The following NKAIN3 variants were observed in gnomAD, a reference collection of about 807,000 sequenced individuals.
NKAIN3 encodes sodium/potassium transporting ATPase interacting 3.
In NKAIN3, 25 loss-of-function variants were observed where a neutral mutation model predicts 30.2. The ratio of observed to expected loss-of-function variants is 0.83; its 90% confidence interval spans 0.60 to 1.16. The LOEUF (loss-of-function observed/expected upper bound fraction) is 1.16, where lower values mean the gene tolerates loss of function less well. Ranked by LOEUF, NKAIN3 falls within the 50% of genes most tolerant of loss-of-function variation. The pLI is 0.00. For missense variants in NKAIN3, 225 were observed against 254.1 expected, an observed-to-expected ratio of 0.89 and a Z score of 0.78; for synonymous variants, 91 against 89.6, an observed-to-expected ratio of 1.02 and a Z score of -0.09.
rs1491362672 is a variant in NKAIN3 at position 62,555,009 on chromosome 8, T to TACACAC, written c.55-24529_55-24528insCACACA. Among the ~76,000 whole-genome samples, 370 of 104,696 alleles carry TACACAC rather than the reference T, an allele frequency of 3.5e-3. 1 individual carries two copies. The highest frequency in any genetic ancestry group is 0.011 in the African/African-American group (351 of 31,342). 68.7% of individuals were successfully genotyped at this position (104,696 alleles called of 152,430 possible). On this transcript the variant is annotated intron_variant, in intron 1 of 6. Coordinates refer to ENST00000623646, the MANE Select transcript of NKAIN3 (RefSeq NM_001304533.3). ...CTATGCTGTCACAAATGGCAGAATC[T>TACACAC]ATACACACACACACACACACACACA...
intron 4 of NKAIN3, among the ~76,000 whole-genome samples, chr8:62,893,705 C>T (rs1821356404): frequency 6.6e-6 from 1 of 152,048 alleles, no homozygotes; most frequent in African/African-American, 2.4e-5. Flanking sequence ...ACTGTGTACA[C>T]ACAAGGATAT....
At chr8:62,902,849 G>T (rs952478688) in intron 4 of NKAIN3, among the ~76,000 whole-genome samples, 1 of 152,024 alleles carries the variant, frequency 6.6e-6, no homozygotes, top group Non-Finnish European at 1.5e-5. Flanking sequence ...ACTTAAATAG[G>T]CCCCTTTACA....
chr8:62,395,031 G>T (rs1438008157), intron 1 of NKAIN3, among the ~76,000 whole-genome samples: 1 of 129,400 alleles, frequency 7.7e-6, no homozygotes, highest in Non-Finnish European at 1.7e-5. Flanking sequence ...TGAGGAGGCC[G>T]GGCAGAGGCG....
chr8:62,516,126 C>A (rs1224686284), intron 1 of NKAIN3, among the ~76,000 whole-genome samples: 1 of 152,038 alleles, frequency 6.6e-6, no homozygotes, highest in Non-Finnish European at 1.5e-5. Context: ...AAAGATCCCA[C>A]ATTTAGATGT....
chr8:62,733,025 TATC>T, intron 3 of NKAIN3, among the ~76,000 whole-genome samples: 2 of 152,236 alleles, frequency 1.3e-5, no homozygotes, highest in African/African-American at 4.8e-5. Context: ...TTCCTGACAC[TATC>T]ATTATATTTT....
chr8:62,401,828 G>T (rs1218962170), intron 1 of NKAIN3, among the ~76,000 whole-genome samples: 1 of 152,152 alleles, frequency 6.6e-6, no homozygotes, highest in Non-Finnish European at 1.5e-5. Context: ...GCTGGGAAAG[G>T]CGGTGACACC....
intron 1 of NKAIN3, among the ~76,000 whole-genome samples, chr8:62,303,647 A>G (rs1814128638): frequency 6.6e-6 from 1 of 150,606 alleles, no homozygotes; most frequent in African/African-American, 2.5e-5. Context: ...GATACATTTT[A>G]GTTAGGAATC....
chr8:62,564,135 C>T (rs534914624), intron 1 of NKAIN3, among the ~76,000 whole-genome samples: 20 of 152,336 alleles, frequency 1.3e-4, no homozygotes, highest in Middle Eastern at 3.4e-3. Flanking sequence ...CCAACAAGTT[C>T]TCTTGGTCAG....
chr8:62,570,298 A>C (rs756559265), intron 1 of NKAIN3, among the ~76,000 whole-genome samples: 9 of 152,214 alleles, frequency 5.9e-5, no homozygotes, highest in Non-Finnish European at 1.2e-4. Context: ...GTGTAAATTA[A>C]TGTTTACAAT....
intron 4 of NKAIN3, among the ~76,000 whole-genome samples, chr8:62,854,212 G>C (rs562021104): frequency 6.6e-6 from 1 of 152,224 alleles, no homozygotes; most frequent in Non-Finnish European, 1.5e-5. Context: ...TTATCTATCA[G>C]GTCAACTTGA....
chr8:62,752,941 A>C (rs1423484744), intron 4 of NKAIN3, among the ~76,000 whole-genome samples: 1 of 152,188 alleles, frequency 6.6e-6, no homozygotes, highest in Non-Finnish European at 1.5e-5. Flanking sequence ...ATTGGTAAGG[A>C]TACCTAGCTA....
intron 1 of NKAIN3, among the ~76,000 whole-genome samples, chr8:62,503,569 A>G (rs765877650): frequency 6.6e-6 from 1 of 152,048 alleles, no homozygotes; most frequent in Non-Finnish European, 1.5e-5. Context: ...ACCAGGGCGT[A>G]TCTCAGTCCT....
chr8:62,902,630 T>C (rs1170720759), intron 4 of NKAIN3, among the ~76,000 whole-genome samples: 1 of 152,254 alleles, frequency 6.6e-6, no homozygotes, highest in African/African-American at 2.4e-5. Flanking sequence ...CGTAGTCATG[T>C]GACACATTTA....
intron 1 of NKAIN3, among the ~76,000 whole-genome samples, chr8:62,490,699 C>G (rs1807041268): frequency 6.6e-6 from 1 of 151,996 alleles, no homozygotes; most frequent in Admixed American, 6.6e-5. Flanking sequence ...TCATGGGTAC[C>G]AAATGATGGC....
chr8:62,699,120 C>T (rs939402362), intron 3 of NKAIN3, among the ~76,000 whole-genome samples: 3 of 152,062 alleles, frequency 2.0e-5, no homozygotes, highest in East Asian at 3.9e-4. Context: ...TACACATTAT[C>T]GCTTAATAAT....
At chr8:62,922,462 A>G (rs1265495466) in intron 5 of NKAIN3, among the ~76,000 whole-genome samples, 1 of 152,214 alleles carries the variant, frequency 6.6e-6, no homozygotes, top group East Asian at 1.9e-4. Context: ...CTTATAATGT[A>G]TGGAAGCCTC....
intron 4 of NKAIN3, among the ~76,000 whole-genome samples, chr8:62,776,679 A>G (rs1275289775): frequency 3.3e-5 from 5 of 151,994 alleles, no homozygotes; most frequent in Admixed American, 3.3e-4. Flanking sequence ...AAGTTGTTGT[A>G]CTTATTATTT....
intron 4 of NKAIN3, among the ~76,000 whole-genome samples, chr8:62,854,645 A>G (rs1820007871): frequency 6.6e-6 from 1 of 151,970 alleles, no homozygotes. Context: ...TTGATTCTTT[A>G]TCTGGTTTGC....
chr8:62,755,589 GA>G (rs1816425674), intron 4 of NKAIN3, among the ~76,000 whole-genome samples: 1 of 151,810 alleles, frequency 6.6e-6, no homozygotes, highest in African/African-American at 2.4e-5. Context: ...TAAGAGGAAA[GA>G]AATCATGACC....
Sources: gnomAD v4.1 joint callset for allele counts (sites outside exome capture counted in the v4.1 genomes callset) on GRCh38, gnomAD v4.1.1 for gene constraint, MANE v1.5 for transcripts, NCBI Gene and HGNC (gene_info 2026-07-23, HGNC 2026-07-21) for gene names.